Variants in TTC29 observed in about 807,000 individuals in gnomAD.
TTC29 encodes tetratricopeptide repeat domain 29, also known as tetratricopeptide repeat protein 29.
In TTC29, 49 loss-of-function variants were observed where a neutral mutation model predicts 58.1. That is an observed-to-expected ratio of 0.84 (90% confidence interval 0.67 to 1.07). TTC29 has a LOEUF of 1.07. TTC29 is among the 50% of genes least tolerant of loss of function. The probability of loss-of-function intolerance (pLI) is 0.00; values close to 1 mark genes in which losing one functional copy is unlikely to be tolerated. For missense variants in TTC29, 582 were observed against 555.6 expected (o/e 1.05, Z -0.48); for synonymous variants, 209 against 196.8 (o/e 1.06, Z -0.52).
chr4:146,724,331 T>C (rs1318571759), intron 11 of TTC29, among the ~76,000 whole-genome samples: 1 of 152,104 alleles, frequency 6.6e-6, no homozygotes, highest in Non-Finnish European at 1.5e-5. Context: ...TCACAGAATA[T>C]GTCCAAGTAA....
rs1342441336 is a variant in TTC29 at position 146,794,066 on chromosome 4, T to C, written c.1330+9391A>G. On this transcript the variant is annotated intron_variant, in intron 11 of 12. Coordinates refer to ENST00000325106, the MANE Select transcript of TTC29 (RefSeq NM_031956.4). ...TGATAAATTATTAAAAAGCTGTGCTTGTAATGTTTTGCTTCTTATTTCCTG... is the reference window on the plus strand; with the variant it reads ...TGATAAATTATTAAAAAGCTGTGCTCGTAATGTTTTGCTTCTTATTTCCTG... Among the ~76,000 whole-genome samples the C allele has an allele frequency of 2.6e-5, 4 of 152,274 alleles. No homozygotes were observed. The East Asian group carries it at 7.7e-4, about 29-fold the overall frequency.
chr4:146,820,089 CA>C (rs754961386), intron 10 of TTC29, 35 bp downstream of exon 10: 7 of 1,607,570 alleles, frequency 4.4e-6, no homozygotes, highest in Middle Eastern at 1.7e-4. Flanking sequence ...CTAAACACCG[CA>C]AATTTCTCTA....
At position 146,803,529 on chromosome 4, in the gene TTC29, C is replaced by T; in HGVS notation, c.1258G>A (p.Asp420Asn). 2 of 1,601,952 alleles carry T rather than the reference C, an allele frequency of 1.2e-6. No individual in the cohort carries two copies. Among genetic ancestry groups the T allele is most frequent in the Non-Finnish European group, 1.7e-6 (2 of 1,173,296 alleles). ...LTVNNYIESA[D>N]LTSLNYLLSW... The stretch of plus-strand genomic sequence containing the variant: ...AGCAGGTAGTTGAGGCTGGTGAGAT[C>T]TGCAGACTCTATATAGTTGTTCACT... The change falls in exon 11 of 13, where the codon GAT (aspartate) becomes AAT (asparagine). Residue 420 changes from aspartate (D) to asparagine (N), a missense_variant. Transcript: ENST00000325106.
chr4:146,929,376 C>T (rs1735155611), intron 4 of TTC29, among the ~76,000 whole-genome samples: 1 of 151,652 alleles, frequency 6.6e-6, no homozygotes, highest in Admixed American at 6.6e-5. Context: ...GACAGTCTGT[C>T]CTTTTCACAG....
At chr4:146,893,719 A>G (rs947695716) in intron 6 of TTC29, among the ~76,000 whole-genome samples, 1 of 152,238 alleles carries the variant, frequency 6.6e-6, no homozygotes, top group Non-Finnish European at 1.5e-5. Flanking sequence ...TGCACAGCAA[A>G]AGATACTACC....
intron 4 of TTC29, among the ~76,000 whole-genome samples, chr4:146,925,969 G>T (rs1169256930): frequency 6.6e-6 from 1 of 151,834 alleles, no homozygotes; most frequent in African/African-American, 2.4e-5. Context: ...GATTGCCTTT[G>T]TCACATTACT....
intron 4 of TTC29, among the ~76,000 whole-genome samples, chr4:146,920,331 T>C (rs554042291): frequency 1.3e-4 from 20 of 151,168 alleles, no homozygotes; most frequent in Middle Eastern, 6.8e-3. Flanking sequence ...ATTCTAATGT[T>C]GCCCCCTCTA....
chr4:146,744,550 C>T (rs527328613), intron 11 of TTC29, among the ~76,000 whole-genome samples: 1 of 152,244 alleles, frequency 6.6e-6, no homozygotes, highest in Non-Finnish European at 1.5e-5. Context: ...TCCAAGCCGT[C>T]TTCTTCTATA....
chr4:146,859,934 T>G (rs926913016), intron 8 of TTC29, among the ~76,000 whole-genome samples: 15 of 152,160 alleles, frequency 9.9e-5, no homozygotes, highest in Admixed American at 6.5e-4. Flanking sequence ...TCTTTTCTTT[T>G]AATATGTCAT....
At chr4:146,798,991 C>T (rs1410299878) in intron 11 of TTC29, among the ~76,000 whole-genome samples, 1 of 149,814 alleles carries the variant, frequency 6.7e-6, no homozygotes, top group Admixed American at 6.7e-5. Flanking sequence ...ATCTTGTCGA[C>T]ATATATTTTG....
chr4:146,805,992 G>A (rs1036483852), intron 10 of TTC29, among the ~76,000 whole-genome samples: 1 of 152,094 alleles, frequency 6.6e-6, no homozygotes, highest in Admixed American at 6.6e-5. Flanking sequence ...GAGAAAGGTC[G>A]GGTTACCCAC....
chr4:146,763,889 G>A (rs1561102316), intron 11 of TTC29: 1 of 151,914 alleles, frequency 6.6e-6, no homozygotes, highest in African/African-American at 2.4e-5. Flanking sequence ...AATATTTATA[G>A]GCTGACTCCA....
chr4:146,831,170 T>C (rs939837746), intron 9 of TTC29, among the ~76,000 whole-genome samples: 1 of 152,198 alleles, frequency 6.6e-6, no homozygotes, highest in Non-Finnish European at 1.5e-5. Flanking sequence ...GTCTTGTGCA[T>C]TGTGGCATTG....
At chr4:146,738,288 A>G (rs1376754995) in intron 11 of TTC29, among the ~76,000 whole-genome samples, 3 of 152,210 alleles carry the variant, frequency 2.0e-5, no homozygotes, top group African/African-American at 7.2e-5. Flanking sequence ...GAAATCCAAT[A>G]TTACATTAAC....
At chr4:146,901,204 A>G (rs1054247948) in intron 6 of TTC29, among the ~76,000 whole-genome samples, 1 of 152,214 alleles carries the variant, frequency 6.6e-6, no homozygotes, top group Non-Finnish European at 1.5e-5. Context: ...GCAACAGGCT[A>G]GAAATTTTTA....
At chr4:146,728,937 A>G (rs1020778183) in intron 11 of TTC29, among the ~76,000 whole-genome samples, 1 of 149,446 alleles carries the variant, frequency 6.7e-6, no homozygotes, top group Non-Finnish European at 1.5e-5. Context: ...CCTCTAGTGA[A>G]TCATCTCTCT....
intron 11 of TTC29, among the ~76,000 whole-genome samples, chr4:146,751,331 T>C (rs565925116): frequency 1.3e-5 from 2 of 152,236 alleles, no homozygotes; most frequent in Non-Finnish European, 2.9e-5. Context: ...CCATAAATAC[T>C]GGTACTTGAA....
At position 146,896,339 on chromosome 4, in the gene TTC29, A is replaced by G. The variant is rs1732767311; in HGVS notation, c.586+7205T>C. ...TTTCAACTCTCTTTTCTCTCCCCTC[A>G]AACTTTGTAGACTCTACTTCTTTTT... On this transcript the variant is annotated intron_variant, in intron 6 of 12. Coordinates refer to ENST00000325106, the MANE Select transcript of TTC29 (RefSeq NM_031956.4). 2.0e-5 allele frequency among the ~76,000 whole-genome samples: 3 copies of G among 152,110 alleles called. No homozygotes were observed. In the South Asian group the frequency reaches 6.2e-4, roughly 32 times the overall value.
At chr4:146,723,449 A>G (rs1351463090) in intron 11 of TTC29, among the ~76,000 whole-genome samples, 1 of 151,948 alleles carries the variant, frequency 6.6e-6, no homozygotes, top group Non-Finnish European at 1.5e-5. Flanking sequence ...AGAGTAAACA[A>G]TCTACAAATG....
Sources: gnomAD v4.1 joint callset for allele counts (sites outside exome capture counted in the v4.1 genomes callset) on GRCh38, gnomAD v4.1.1 for gene constraint, MANE v1.5 for transcripts, NCBI Gene and HGNC (gene_info 2026-07-23, HGNC 2026-07-21) for gene names.